Variants in MIPEP observed in about 807,000 individuals in gnomAD.
MIPEP encodes the protein mitochondrial intermediate peptidase.
Under a neutral mutation model 90.3 loss-of-function variants are expected in MIPEP, and 79 were observed. That is an observed-to-expected ratio of 0.87 (90% CI 0.73 to 1.05). MIPEP has a LOEUF of 1.05. Ranked by LOEUF, MIPEP falls within the 50% of genes least tolerant of loss-of-function variation. MIPEP has a pLI of 0.00. For missense variants in MIPEP, 940 were observed against 905.6 expected, an observed-to-expected ratio of 1.04 and a Z score of -0.49; for synonymous variants, 334 against 315.8, an observed-to-expected ratio of 1.06 and a Z score of -0.61.
intron 1 of MIPEP, chr13:23,888,827 G>T: frequency 1.1e-6 from 1 of 898,668 alleles, no homozygotes; most frequent in Non-Finnish European, 1.4e-6. Flanking sequence ...CAGAGGGCGG[G>T]TCCTGGCAGG....
At chr13:23,829,673 G>A (rs1593177629) in intron 14 of MIPEP, among the ~76,000 whole-genome samples, 1 of 152,078 alleles carries the variant, frequency 6.6e-6, no homozygotes, top group East Asian at 1.9e-4. Flanking sequence ...CAGGTGTAGT[G>A]GCACATGACT....
At chr13:23,843,029 G>A (rs1407966957) in intron 10 of MIPEP, among the ~76,000 whole-genome samples, 6 of 149,854 alleles carry the variant, frequency 4.0e-5, no homozygotes, top group Middle Eastern at 3.2e-3. Flanking sequence ...CCCAGGAGGC[G>A]GAGGTTGAGT....
At chr13:23,814,013 T>A (rs765234427) in intron 14 of MIPEP, among the ~76,000 whole-genome samples, 1 of 152,220 alleles carries the variant, frequency 6.6e-6, no homozygotes, top group Non-Finnish European at 1.5e-5. Flanking sequence ...ATTTAAAACA[T>A]CTAAGCCTTG....
intron 18 of MIPEP, among the ~76,000 whole-genome samples, chr13:23,754,030 A>G (rs7990429): frequency 0.14 from 21,120 of 152,196 alleles, 1,807 homozygotes; most frequent in South Asian, 0.23. Context: ...ATGTAATATA[A>G]TTCTTTACAT....
At chr13:23,797,137 A>G (rs1952971234) in intron 16 of MIPEP, among the ~76,000 whole-genome samples, 1 of 152,190 alleles carries the variant, frequency 6.6e-6, no homozygotes, top group Non-Finnish European at 1.5e-5. Flanking sequence ...ACATCATGCC[A>G]ACCACACTGG....
chr13:23,761,578 C>T (rs1248950931), intron 16 of MIPEP, among the ~76,000 whole-genome samples: 1 of 152,188 alleles, frequency 6.6e-6, no homozygotes, highest in African/African-American at 2.4e-5. Context: ...ACGAATACTG[C>T]TCTTTTTCTG....
intron 10 of MIPEP, among the ~76,000 whole-genome samples, chr13:23,854,142 G>T (rs1016542270): frequency 6.7e-6 from 1 of 150,292 alleles, no homozygotes; most frequent in East Asian, 2.0e-4. Flanking sequence ...TGGCTAACAC[G>T]GTGAAACCTC....
intron 2 of MIPEP, 142 bp from the exon 3 acceptor site, chr13:23,881,929 G>A (rs1328448608): frequency 1.6e-6 from 1 of 627,702 alleles, no homozygotes; most frequent in South Asian, 2.0e-5. Context: ...TTTCCTAAGC[G>A]AGTAAAGCAA....
intron 11 of MIPEP, among the ~76,000 whole-genome samples, chr13:23,840,673 G>A (rs1869255582): frequency 6.6e-6 from 1 of 152,130 alleles, no homozygotes; most frequent in African/African-American, 2.4e-5. Flanking sequence ...GAGACAATGA[G>A]ACTGTTTACA....
chr13:23,741,694 C>CAA (rs35149279), intron 18 of MIPEP, among the ~76,000 whole-genome samples: 18 of 149,666 alleles, frequency 1.2e-4, no homozygotes, highest in South Asian at 2.1e-4. Context: ...GGAGGGAGAG[C>CAA]AAAAAAAAAT....
chr13:23,730,439 A>G lies in MIPEP; in HGVS notation c.2051T>C (p.Leu684Pro), dbSNP rs371287568. Residue 684 changes from leucine to proline, a missense_variant, in exon 19 of 19, where the codon CTT becomes CCT. By Grantham distance (98) the Leu-to-Pro change is moderately conservative. Coordinates refer to ENST00000382172, the MANE Select transcript of MIPEP (RefSeq NM_005932.4). ...GTCATCAACAGAAGGACACTTCTGA[A>G]GCATACCTGCAAACAAAGGAAAGGT... The part of the protein sequence containing the change: ...REPMLMVEGM[L>P]QKCPSVDDFV... The G allele has an allele frequency of 4.3e-5, 69 of 1,608,500 alleles. No individual in the cohort carries two copies. The highest frequency in any genetic ancestry group is 5.7e-5 in the Non-Finnish European group (67 of 1,175,944).
intron 16 of MIPEP, among the ~76,000 whole-genome samples, chr13:23,768,233 G>C (rs909404744): frequency 6.6e-6 from 1 of 152,114 alleles, no homozygotes; most frequent in African/African-American, 2.4e-5. Context: ...GTTTACACCC[G>C]GCTTGATTTT....
In MIPEP at chr13:23,805,833, A is replaced by C. The variant is rs1593164685; in HGVS notation, c.1848+117T>G. Reference sequence around the variant, plus strand: ...CAATTTCCAGCATTTGAGCCATGTGAAGCCTCAACATAAATGTAGGGATTT... The same window carrying C: ...CAATTTCCAGCATTTGAGCCATGTGCAGCCTCAACATAAATGTAGGGATTT... On this transcript the variant is annotated intron_variant, in intron 16 of 18. Transcript: ENST00000382172. The C allele has an allele frequency of 2.7e-6, 3 of 1,095,600 alleles. No individual in the cohort carries two copies. In the East Asian group the frequency reaches 7.4e-5, roughly 27 times the overall value. The allele number at this position is 1,095,600 out of a possible 1,614,324, so 67.9% of individuals were successfully genotyped here.
intron 9 of MIPEP, among the ~76,000 whole-genome samples, chr13:23,859,206 T>A (rs1348038804): frequency 1.3e-5 from 2 of 152,194 alleles, no homozygotes; most frequent in African/African-American, 4.8e-5. Flanking sequence ...TAACGAATTA[T>A]ATTAGCCATA....
chr13:23,746,535 G>A (rs1952385520), intron 18 of MIPEP, among the ~76,000 whole-genome samples: 1 of 150,764 alleles, frequency 6.6e-6, no homozygotes, highest in Non-Finnish European at 1.5e-5. Context: ...TCAGGAGGCT[G>A]AGGCATGAGA....
chr13:23,849,399 T>C (rs1314134551), intron 10 of MIPEP, among the ~76,000 whole-genome samples: 6 of 152,212 alleles, frequency 3.9e-5, no homozygotes, highest in Non-Finnish European at 7.3e-5. Flanking sequence ...TTTACAAGAA[T>C]TTTATGACTA....
chr13:23,814,152 C>T (rs1953208629), intron 14 of MIPEP, among the ~76,000 whole-genome samples: 1 of 152,188 alleles, frequency 6.6e-6, no homozygotes, highest in Non-Finnish European at 1.5e-5. Context: ...CCATAATTTC[C>T]AAGGCAGAAA....
chr13:23,796,648 C>G (rs1296152550), intron 16 of MIPEP, among the ~76,000 whole-genome samples: 1 of 151,998 alleles, frequency 6.6e-6, no homozygotes, highest in Non-Finnish European at 1.5e-5. Context: ...TCTCTGCACT[C>G]TTCCATTATA....
At chr13:23,735,526 C>T in intron 18 of MIPEP, among the ~76,000 whole-genome samples, 1 of 152,130 alleles carries the variant, frequency 6.6e-6, no homozygotes, top group East Asian at 1.9e-4. Flanking sequence ...ACTCAACAAA[C>T]TGCCAATATA....
Sources: allele counts gnomAD v4.1 joint callset (sites outside exome capture counted in the v4.1 genomes callset), GRCh38; gene constraint gnomAD v4.1.1; transcripts MANE v1.5; gene names NCBI Gene and HGNC (gene_info 2026-07-23, HGNC 2026-07-21).